Variants in NAXD observed in about 807,000 individuals in gnomAD.
The protein encoded by NAXD is NAD(P)HX dehydratase.
A neutral mutation model predicts 35.8 loss-of-function variants in NAXD; 22 were observed. The observed-to-expected ratio is 0.62, with a 90% CI of 0.44 to 0.88. The LOEUF is 0.88. Ranked by LOEUF, NAXD falls within the 40% of genes least tolerant of loss-of-function variation. NAXD has a pLI of 0.00. For missense variants in NAXD, 428 were observed against 437.7 expected, an observed-to-expected ratio of 0.98 and a Z score of 0.20; for synonymous variants, 189 against 177.6, an observed-to-expected ratio of 1.06 and a Z score of -0.51.
chr13:110,631,736 A>C lies in NAXD; in HGVS notation c.442-2809A>C, dbSNP rs568415625. ...AAAGCCAAACTCAGGGCAAGCAGAC[A>C]AAGAATTTTTATTGTTAATAAAGGG... is the stretch of plus-strand genomic sequence containing the variant. On this transcript the variant is annotated intron_variant, in intron 5 of 9. Transcript: ENST00000680254. Among the ~76,000 whole-genome samples the C allele has an allele frequency of 4.6e-5, 7 of 152,332 alleles. No homozygotes were observed. In the South Asian group the frequency reaches 1.2e-3, roughly 27 times the overall value.
At chr13:110,629,591 A>G (rs1886629592) in intron 5 of NAXD, among the ~76,000 whole-genome samples, 1 of 152,036 alleles carries the variant, frequency 6.6e-6, no homozygotes, top group Non-Finnish European at 1.5e-5. Flanking sequence ...GTGATTAGTT[A>G]TGTCACTCTG....
chr13:110,623,494 G>A (rs1886342847), intron 2 of NAXD, among the ~76,000 whole-genome samples: 2 of 152,170 alleles, frequency 1.3e-5, no homozygotes, highest in Non-Finnish European at 2.9e-5. Context: ...GCCCCCATCT[G>A]GCCTCTGCTG....
At chr13:110,619,993 T>C (rs2139628330) in intron 1 of NAXD, among the ~76,000 whole-genome samples, 1 of 152,024 alleles carries the variant, frequency 6.6e-6, no homozygotes, top group South Asian at 2.1e-4. Context: ...GAGATGGGGT[T>C]TCACTATGTT....
At chr13:110,632,987 G>T (rs1218057070) in intron 5 of NAXD, among the ~76,000 whole-genome samples, 1 of 152,198 alleles carries the variant, frequency 6.6e-6, no homozygotes, top group East Asian at 1.9e-4. Context: ...CCCGCACCAG[G>T]GCTGCAGGTG....
chr13:110,630,681 C>T (rs924190938), intron 5 of NAXD, among the ~76,000 whole-genome samples: 11 of 152,150 alleles, frequency 7.2e-5, no homozygotes, highest in African/African-American at 2.2e-4. Flanking sequence ...CGGTGCATGT[C>T]GAGCTGATGC....
At chr13:110,636,361 G>A (rs1304726475) in intron 8 of NAXD, among the ~76,000 whole-genome samples, 1 of 136,806 alleles carries the variant, frequency 7.3e-6, no homozygotes. Flanking sequence ...ATGCACATAT[G>A]TGCACACGCA....
At chr13:110,630,694 G>A (rs903446658) in intron 5 of NAXD, among the ~76,000 whole-genome samples, 3 of 152,170 alleles carry the variant, frequency 2.0e-5, no homozygotes, top group African/African-American at 7.2e-5. Flanking sequence ...GCTGATGCTG[G>A]TGTGGTAGGA....
At chr13:110,634,069 G>C (rs534726968) in intron 5 of NAXD, among the ~76,000 whole-genome samples, 21 of 152,304 alleles carry the variant, frequency 1.4e-4, no homozygotes, top group African/African-American at 5.1e-4. Flanking sequence ...CCAGTGTCCT[G>C]CCTTGTTTAC....
At chr13:110,627,967 C>T (rs1886558809) in intron 5 of NAXD, among the ~76,000 whole-genome samples, 1 of 152,220 alleles carries the variant, frequency 6.6e-6, no homozygotes, top group African/African-American at 2.4e-5. Context: ...GCGCCATGCT[C>T]TGCTGACATC....
chr13:110,627,680 A>G, intron 5 of NAXD, 133 bp downstream of exon 5: 1 of 653,056 alleles, frequency 1.5e-6, no homozygotes, highest in African/African-American at 1.8e-5. Flanking sequence ...ATAAGATTTG[A>G]GGGACGGAGG....
chr13:110,635,582 C>G lies in NAXD; in HGVS notation c.712C>G (p.Gln238Glu). Residue 238 changes from glutamine (Q) to glutamate (E), a missense_variant, in exon 8 of 10, where the codon CAG becomes GAG. Coordinates refer to ENST00000680254, the MANE Select transcript of NAXD (RefSeq NM_001242882.2). ...KGERDILSNG[Q>E]QVLVCSQEGS... is the part of the protein sequence containing the mutation. ...AGAGCGCGACATCCTCTCCAACGGC[C>G]AGCAGGGTGAGTGGCGGCTGCCCTC... 6.2e-7 allele frequency: 1 copy of G among 1,613,972 alleles called. No individual in the cohort carries two copies. The highest frequency in any genetic ancestry group is 1.1e-5 in the South Asian group (1 of 91,086).
chr13:110,620,595 A>AAG (rs1886226574), intron 1 of NAXD, among the ~76,000 whole-genome samples: 1 of 151,828 alleles, frequency 6.6e-6, no homozygotes, highest in Admixed American at 6.6e-5. Flanking sequence ...AAAAAAAAAA[A>AAG]AGAATTTGGG....
chr13:110,638,433 A>G lies in NAXD; in HGVS notation c.895A>G (p.Asn299Asp). 6.2e-7 allele frequency: 1 copy of G among 1,613,506 alleles called. No homozygotes were observed. Among genetic ancestry groups the G allele is most frequent in the Non-Finnish European group, 8.5e-7 (1 of 1,180,010 alleles). The change falls in exon 10 of 10, where the codon AAC becomes GAC. Residue 299 changes from asparagine (N) to aspartate (D), a missense_variant. Physicochemically the swap from Asn to Asp is conservative, Grantham distance 23 (BLOSUM62 1). Transcript: ENST00000680254. The surrounding 1 kb of genome is among the most constrained non-coding windows in gnomAD (Gnocchi z 5.4). ...CGCCTGCTCTCTCACCAGGCAGTGC[A>G]ACCACCAAGCCTTCCAGAAGCACGG... ...FGACSLTRQC[N>D]HQAFQKHGRS... is the part of the protein sequence containing the mutation.
In NAXD at chr13:110,628,505, G is replaced by A. The variant is rs1886581708; in HGVS notation, c.441+958G>A. Among the ~76,000 whole-genome samples the A allele has an allele frequency of 1.3e-5, 2 of 152,202 alleles. No individual in the cohort carries two copies. Among genetic ancestry groups the A allele is most frequent in the African/African-American group, 4.8e-5 (2 of 41,456 alleles). ...AGCCATCTGCATGGCACTCTGTTGG[G>A]TGCTTAGTTAATGGAGGGGTCTCTG... On this transcript the variant is annotated intron_variant, in intron 5 of 9. Transcript: ENST00000680254. This position sits in a 1 kb window ranked among gnomAD's most constrained non-coding sequence, Gnocchi z 4.1.
intron 1 of NAXD, among the ~76,000 whole-genome samples, chr13:110,619,337 A>G (rs764395006): frequency 2.3e-4 from 35 of 152,194 alleles, no homozygotes; most frequent in African/African-American, 3.6e-4. Flanking sequence ...CCTCCTGGAA[A>G]ATATACAGTA....
rs759461319 is a variant in NAXD at position 110,637,252 on chromosome 13, A to G, written c.839+3A>G. 1 of 1,613,962 alleles carries G rather than the reference A, an allele frequency of 6.2e-7. No homozygotes were observed. Among genetic ancestry groups the G allele is most frequent in the East Asian group, 2.2e-5 (1 of 44,874 alleles). ...GCTGGACCACAGAAAACAAATGGGT[A>G]AGGCCACGTCTTCATTTATTCTACT... is the stretch of plus-strand genomic sequence containing the variant. On this transcript the variant is annotated splice_donor_region_variant and intron_variant, in intron 9 of 9. Transcript: ENST00000680254.
At position 110,625,177 on chromosome 13, in the gene NAXD, G is replaced by T. The variant is rs1019357465; in HGVS notation, c.244-13G>T. On this transcript the variant is annotated splice_polypyrimidine_tract_variant and intron_variant, in intron 3 of 9. Coordinates refer to ENST00000680254, the MANE Select transcript of NAXD (RefSeq NM_001242882.2). ...AGCGATCCCTGAGTCGGCCTCTTGT[G>T]CTCCTTCATCAGGGCGCAGACTTGT... 1 of 1,609,754 alleles carries T rather than the reference G, an allele frequency of 6.2e-7. No individual in the cohort carries two copies. Among genetic ancestry groups the T allele is most frequent in the Non-Finnish European group, 8.5e-7 (1 of 1,176,168 alleles).
chr13:110,632,446 T>C (rs1047172791), intron 5 of NAXD, among the ~76,000 whole-genome samples: 32 of 152,178 alleles, frequency 2.1e-4, no homozygotes, highest in Non-Finnish European at 4.6e-4. Context: ...AGCCTGCTTT[T>C]ATTCTCTTAT....
intron 5 of NAXD, among the ~76,000 whole-genome samples, chr13:110,629,225 C>A (rs1212940579): frequency 6.6e-6 from 1 of 152,202 alleles, no homozygotes; most frequent in Non-Finnish European, 1.5e-5. Context: ...CTTCTGATGA[C>A]AGATTGAGTC....
Sources: allele counts gnomAD v4.1 joint callset (sites outside exome capture counted in the v4.1 genomes callset), GRCh38; gene constraint gnomAD v4.1.1; non-coding constraint Gnocchi (gnomAD v3.1); transcripts MANE v1.5; gene names NCBI Gene and HGNC (gene_info 2026-07-23, HGNC 2026-07-21).